The following SGCZ variants were observed in gnomAD, a reference collection of about 807,000 sequenced individuals.
The protein encoded by SGCZ is zeta-sarcoglycan.
A neutral mutation model predicts 41.3 loss-of-function variants in SGCZ; 40 were observed. The observed-to-expected ratio is 0.97, with a 90% CI of 0.75 to 1.26. The LOEUF (loss-of-function observed/expected upper bound fraction) is 1.26. Among genes scored for constraint, SGCZ ranks in the 50% most tolerant of loss-of-function variants. SGCZ has a pLI of 0.00. For missense variants in SGCZ, 552 were observed against 369.8 expected, an observed-to-expected ratio of 1.49 and a Z score of -4.04; for synonymous variants, 206 against 137.5, an observed-to-expected ratio of 1.50 and a Z score of -3.49.
At chr8:14,851,452 G>A (rs118128691) in intron 1 of SGCZ, among the ~76,000 whole-genome samples, 19 of 146,574 alleles carry the variant, frequency 1.3e-4, no homozygotes, top group Admixed American at 1.3e-3. Context: ...ATCTGGAAAA[G>A]AAATTAATAC....
chr8:14,380,095 A>G (rs565370387), intron 2 of SGCZ, among the ~76,000 whole-genome samples: 4 of 152,220 alleles, frequency 2.6e-5, no homozygotes, highest in Non-Finnish European at 5.9e-5. Flanking sequence ...CAGGGCATTT[A>G]TATTTTATCT....
At chr8:14,539,110 T>G (rs1411023837) in intron 2 of SGCZ, among the ~76,000 whole-genome samples, 4 of 152,098 alleles carry the variant, frequency 2.6e-5, no homozygotes, top group East Asian at 1.9e-4. Flanking sequence ...GTTAAAGAAT[T>G]TAAAAGAAAG....
chr8:14,478,238 C>G (rs771701547), intron 2 of SGCZ, among the ~76,000 whole-genome samples: 1 of 152,228 alleles, frequency 6.6e-6, no homozygotes, highest in Non-Finnish European at 1.5e-5. Context: ...AAAACCAGCA[C>G]AAGAATGTTT....
intron 4 of SGCZ, among the ~76,000 whole-genome samples, chr8:14,191,248 T>C (rs1463548870): frequency 6.6e-6 from 1 of 152,200 alleles, no homozygotes; most frequent in Non-Finnish European, 1.5e-5. Context: ...CCTTTATCAG[T>C]TACATAGTCC....
At chr8:15,106,248 T>C (rs933835095) in intron 1 of SGCZ, among the ~76,000 whole-genome samples, 2 of 152,138 alleles carry the variant, frequency 1.3e-5, no homozygotes, top group Admixed American at 6.6e-5. Context: ...ACTTATTAGT[T>C]GTCATTTTTT....
At chr8:14,568,303 C>A (rs1283860771) in intron 1 of SGCZ, among the ~76,000 whole-genome samples, 1 of 151,746 alleles carries the variant, frequency 6.6e-6, no homozygotes, top group African/African-American at 2.4e-5. Context: ...AAACCTAGAT[C>A]ATGGGTTGAT....
intron 1 of SGCZ, among the ~76,000 whole-genome samples, chr8:15,050,952 G>A (rs1290495885): frequency 6.6e-6 from 1 of 152,010 alleles, no homozygotes; most frequent in Non-Finnish European, 1.5e-5. Context: ...CCTCTTTCTG[G>A]GATTGAGTGC....
At chr8:14,199,697 G>C (rs1283674979) in intron 4 of SGCZ, among the ~76,000 whole-genome samples, 1 of 151,992 alleles carries the variant, frequency 6.6e-6, no homozygotes, top group African/African-American at 2.4e-5. Flanking sequence ...CCAAAGCTTA[G>C]GGAAAATAGA....
chr8:14,375,143 CAGAT>C (rs1463423237), intron 2 of SGCZ, among the ~76,000 whole-genome samples: 1 of 142,228 alleles, frequency 7.0e-6, no homozygotes, highest in Admixed American at 7.0e-5. Flanking sequence ...GACAGACAGA[CAGAT>C]AGATATTTGG....
rs569727444 is a variant in SGCZ at position 14,907,752 on chromosome 8, A to G, written c.39+329833T>C. 4.9e-4 allele frequency among the ~76,000 whole-genome samples: 75 copies of G among 152,272 alleles called. 1 individual carries two copies. The South Asian group carries it at 0.015, about 31-fold the overall frequency. The stretch of plus-strand genomic sequence containing the variant: ...CCTCTCTCTCTACACTACAACCTAT[A>G]TAAGCTACATGCACAGAAATGAGCC... On this transcript the variant is annotated intron_variant, in intron 1 of 7. Coordinates refer to ENST00000382080, the MANE Select transcript of SGCZ (RefSeq NM_139167.4).
intron 7 of SGCZ, among the ~76,000 whole-genome samples, chr8:14,101,564 G>A (rs918951879): frequency 1.3e-5 from 2 of 151,770 alleles, no homozygotes; most frequent in Admixed American, 1.3e-4. Context: ...GATGTCTGCA[G>A]GAGTAGCAAC....
chr8:14,270,626 C>T (rs1043718978), intron 3 of SGCZ, among the ~76,000 whole-genome samples: 2 of 152,112 alleles, frequency 1.3e-5, no homozygotes, highest in East Asian at 1.9e-4. Context: ...GAAGCCTATA[C>T]CTTTCTTCCT....
chr8:15,010,272 A>G (rs977928958), intron 1 of SGCZ, among the ~76,000 whole-genome samples: 2 of 152,200 alleles, frequency 1.3e-5, no homozygotes, highest in Admixed American at 6.5e-5. Context: ...TATGACTTTT[A>G]TGTTTTATGT....
chr8:14,662,254 T>C (rs1004643677), intron 1 of SGCZ, among the ~76,000 whole-genome samples: 1 of 152,220 alleles, frequency 6.6e-6, no homozygotes, highest in Non-Finnish European at 1.5e-5. Flanking sequence ...GTTTAAATTC[T>C]GAGGTTGACA....
chr8:14,140,405 G>T (rs1803332989), intron 5 of SGCZ, among the ~76,000 whole-genome samples: 1 of 152,120 alleles, frequency 6.6e-6, no homozygotes, highest in African/African-American at 2.4e-5. Flanking sequence ...TGACATGATT[G>T]TATATCTAGA....
At chr8:15,168,984 A>G (rs1430975171) in intron 1 of SGCZ, among the ~76,000 whole-genome samples, 1 of 152,166 alleles carries the variant, frequency 6.6e-6, no homozygotes, top group East Asian at 1.9e-4. Context: ...AGGCCTGGGA[A>G]TTTATGAGCT....
intron 5 of SGCZ, among the ~76,000 whole-genome samples, chr8:14,114,268 T>TAAG (rs1802456782): frequency 6.6e-6 from 1 of 152,086 alleles, no homozygotes; most frequent in African/African-American, 2.4e-5. Context: ...TAAAACATGC[T>TAAG]AAGTTTCTGT....
rs143982361 is a variant in SGCZ at position 14,562,733 on chromosome 8, G to A, written c.40-7807C>T. 1.2e-3 allele frequency among the ~76,000 whole-genome samples: 180 copies of A among 152,254 alleles called. 2 individuals are homozygous for A. Among genetic ancestry groups the A allele is most frequent in the African/African-American group, 3.8e-3 (159 of 41,560 alleles). On this transcript the variant is annotated intron_variant, in intron 1 of 7. Coordinates refer to ENST00000382080, the MANE Select transcript of SGCZ (RefSeq NM_139167.4). ...TAAAGAAAATCCAATAAATAGAATT[G>A]TAGATGAGTGTCTGGGGGTCTTGTA...
At chr8:14,351,984 T>C (rs980894580) in intron 2 of SGCZ, among the ~76,000 whole-genome samples, 2 of 152,154 alleles carry the variant, frequency 1.3e-5, no homozygotes, top group Non-Finnish European at 1.5e-5. Context: ...GATGTCCTTT[T>C]ACAATTATTT....
Sources: allele counts gnomAD v4.1 joint callset (sites outside exome capture counted in the v4.1 genomes callset), GRCh38; gene constraint gnomAD v4.1.1; transcripts MANE v1.5; gene names NCBI Gene and HGNC (gene_info 2026-07-23, HGNC 2026-07-21).